Variants in ANKS6 observed in about 807,000 individuals in gnomAD.
ANKS6 encodes ankyrin repeat and sterile alpha motif domain containing 6, also known as ankyrin repeat and SAM domain-containing protein 6.
In ANKS6, 47 loss-of-function variants were observed where a neutral mutation model predicts 77.9. That is an observed-to-expected ratio of 0.60 (90% CI 0.48 to 0.77). The LOEUF is 0.77. Ranked by LOEUF, ANKS6 falls within the 30% of genes least tolerant of loss-of-function variation. The pLI, the probability that ANKS6 is intolerant of heterozygous loss-of-function variation, is 0.00. For synonymous variants in ANKS6, 488 were observed against 501.7 expected, an observed-to-expected ratio of 0.97 and a Z score of 0.37; for missense variants, 1,150 against 1,159.1, an observed-to-expected ratio of 0.99 and a Z score of 0.11.
At chr9:98,757,530 T>C (rs953288042) in intron 11 of ANKS6, among the ~76,000 whole-genome samples, 10 of 152,254 alleles carry the variant, frequency 6.6e-5, no homozygotes, top group African/African-American at 2.2e-4. Flanking sequence ...TGCATCGTTA[T>C]GCAGAGAGGA....
chr9:98,759,181 G>A (rs971640346), intron 11 of ANKS6, among the ~76,000 whole-genome samples: 3 of 151,900 alleles, frequency 2.0e-5, no homozygotes, highest in African/African-American at 7.3e-5. Context: ...TCCTCTGAAT[G>A]TCCTTAAGTG....
chr9:98,751,956 T>C (rs1409398729), intron 12 of ANKS6, among the ~76,000 whole-genome samples: 1 of 152,146 alleles, frequency 6.6e-6, no homozygotes, highest in East Asian at 1.9e-4. Context: ...GTGTGATGTG[T>C]GTGCCTGTAG....
At chr9:98,779,892 G>A (rs940893945) in intron 6 of ANKS6, among the ~76,000 whole-genome samples, 1 of 152,060 alleles carries the variant, frequency 6.6e-6, no homozygotes, top group African/African-American at 2.4e-5. Flanking sequence ...TCAATCTCCT[G>A]ACCTCGTGAT....
chr9:98,794,143 C>T (rs1281038693), intron 1 of ANKS6, among the ~76,000 whole-genome samples: 3 of 76,788 alleles, frequency 3.9e-5, no homozygotes, highest in East Asian at 2.9e-4. Context: ...AGCGAGACTC[C>T]GTCTCAAAAA....
In ANKS6 at chr9:98,768,136, G is replaced by A. The variant is rs1833405528; in HGVS notation, c.2087C>T (p.Ser696Phe). The A allele has an allele frequency of 6.2e-7, 1 of 1,613,510 alleles. No homozygotes were observed. The highest frequency in any genetic ancestry group is 1.1e-5 in the South Asian group (1 of 90,988). The part of the protein sequence containing the change: ...RSSPVGPAPG[S>F]SPSELPASPA... Reference sequence around the variant, plus strand: ...GGAGGCTGGAAGCTCAGACGGGCTGGACCCCGGTGCTGGCCCCACAGGGCT... The same window carrying A: ...GGAGGCTGGAAGCTCAGACGGGCTGAACCCCGGTGCTGGCCCCACAGGGCT... The change falls in exon 11 of 15, where the codon TCC becomes TTC. Residue 696 changes from serine to phenylalanine, a missense_variant. Ser to Phe is a radical substitution (Grantham distance 155). Transcript: ENST00000353234.
At position 98,791,995 on chromosome 9, in the gene ANKS6, C is replaced by G. The variant is rs1834927407; in HGVS notation, c.360-1389G>C. Among the ~76,000 whole-genome samples the G allele has an allele frequency of 6.6e-6, 1 of 152,178 alleles. No homozygotes were observed. Among genetic ancestry groups the G allele is most frequent in the Non-Finnish European group, 1.5e-5 (1 of 68,026 alleles). On this transcript the variant is annotated intron_variant, in intron 1 of 14. Transcript: ENST00000353234. This position sits in a 1 kb window ranked among gnomAD's most constrained non-coding sequence, Gnocchi z 4.3. ...TGCAGAAAGCTGCACCCCAATGTCT[C>G]CCCGCCTCCAGTCTCGTTCCCTCCT...
chr9:98,745,529 C>CA (rs772705623), intron 14 of ANKS6, 30 bp downstream of exon 14: 140 of 1,586,874 alleles, frequency 8.8e-5, no homozygotes, highest in Non-Finnish European at 1.2e-4. Flanking sequence ...ATGTCTGAAA[C>CA]ACGGAAATAC....
At chr9:98,764,723 TTA>T (rs1203576800) in intron 11 of ANKS6, among the ~76,000 whole-genome samples, 2 of 152,224 alleles carry the variant, frequency 1.3e-5, no homozygotes, top group Non-Finnish European at 2.9e-5. Flanking sequence ...GGGTTCTTTC[TTA>T]TAGTTTCCAT....
At position 98,791,704 on chromosome 9, in the gene ANKS6, T is replaced by C. The variant is rs777779062; in HGVS notation, c.360-1098A>G. Among the ~76,000 whole-genome samples the C allele has an allele frequency of 5.9e-5, 9 of 152,200 alleles. No homozygotes were observed. Among genetic ancestry groups the C allele is most frequent in the Non-Finnish European group, 8.8e-5 (6 of 68,030 alleles). Reference sequence around the variant, plus strand: ...TGAGGCAGCTTTCTGGGTTTCTCGATGCTCAGCCCTCCTTCCCGGGAGCCA... The same window carrying C: ...TGAGGCAGCTTTCTGGGTTTCTCGACGCTCAGCCCTCCTTCCCGGGAGCCA... On this transcript the variant is annotated intron_variant, in intron 1 of 14. Transcript: ENST00000353234. The surrounding 1 kb of genome is among the most constrained non-coding windows in gnomAD (Gnocchi z 4.3).
chr9:98,781,984 C>T (rs950695530), intron 5 of ANKS6, among the ~76,000 whole-genome samples: 4 of 152,118 alleles, frequency 2.6e-5, no homozygotes, highest in African/African-American at 9.7e-5. Flanking sequence ...CAGGTACCAG[C>T]CGAGGCCAAA....
intron 1 of ANKS6, among the ~76,000 whole-genome samples, chr9:98,795,799 G>C (rs954387568): frequency 6.6e-6 from 1 of 152,100 alleles, no homozygotes; most frequent in Non-Finnish European, 1.5e-5. Context: ...CACCCTCAAC[G>C]CCAAGCCAGG....
Position 98,751,040 on chromosome 9 carries a change from C to G in ANKS6, c.2383G>C (p.Glu795Gln), listed in dbSNP as rs771740579. The change falls in exon 13 of 15, where the codon GAG becomes CAG. Residue 795 changes from glutamate (E) to glutamine (Q), a missense_variant. Glu to Gln is a conservative substitution (Grantham distance 29). Coordinates refer to ENST00000353234, the MANE Select transcript of ANKS6 (RefSeq NM_173551.5). ...AAGAGCATTCTTACCTCTTGTTCCTCAAAAATGGGCTGATATTTCTCAAGT... is the reference window on the plus strand; with the variant it reads ...AAGAGCATTCTTACCTCTTGTTCCTGAAAAATGGGCTGATATTTCTCAAGT... ...LSLEKYQPIF[E>Q]EQEVDMEAFL... The G allele has an allele frequency of 1.2e-6, 2 of 1,609,060 alleles. No individual in the cohort carries two copies. The highest frequency in any genetic ancestry group is 2.2e-5 in the South Asian group (2 of 89,584).
At position 98,735,722 on chromosome 9, in the gene ANKS6, A is replaced by C; in HGVS notation, c.*797T>G. The stretch of plus-strand genomic sequence containing the variant: ...ATAAGGAAACTGAAAGCTAGGAAGA[A>C]GAAGGGATCCACACAGCAGGCCTCC... On this transcript the variant is annotated 3_prime_UTR_variant, in exon 15 of 15. Transcript: ENST00000353234. The C allele has an allele frequency of 8.1e-6, 10 of 1,231,664 alleles. No individual in the cohort carries two copies. The highest frequency in any genetic ancestry group is 8.1e-6 in the Non-Finnish European group (8 of 987,966). The allele number at this position is 1,231,664 out of a possible 1,614,324, so 76.3% of individuals were successfully genotyped here.
chr9:98,780,343 G>T lies in ANKS6; in HGVS notation c.1220-6C>A, dbSNP rs1371737147. The T allele has an allele frequency of 2.5e-6, 4 of 1,579,206 alleles. No homozygotes were observed. Among genetic ancestry groups the T allele is most frequent in the Admixed American group, 3.7e-5 (2 of 54,542 alleles). On this transcript the variant is annotated splice_polypyrimidine_tract_variant and splice_region_variant and intron_variant, in intron 5 of 14. Coordinates refer to ENST00000353234, the MANE Select transcript of ANKS6 (RefSeq NM_173551.5). ...CAGTCGAACAAGTTCCGTGTCTATG[G>T]ACACAAAAGGCATCATTTTACCTGC...
chr9:98,782,993 T>TG (rs931863283), intron 4 of ANKS6, among the ~76,000 whole-genome samples: 3 of 151,972 alleles, frequency 2.0e-5, no homozygotes, highest in African/African-American at 7.2e-5. Flanking sequence ...AGACTGAGGT[T>TG]GGAGGATGCT....
chr9:98,774,037 A>T lies in ANKS6; in HGVS notation c.1661T>A (p.Leu554Gln). ...APLTRLPSDKLKAVIPPFLPP... is the reference protein window; with the variant it reads ...APLTRLPSDKQKAVIPPFLPP... ...TAGGAATGGGGGGATGACTGCTTTCAGCTTGTCACTCGGGAGTCTGGTGAG... is the reference window on the plus strand; with the variant it reads ...TAGGAATGGGGGGATGACTGCTTTCTGCTTGTCACTCGGGAGTCTGGTGAG... Residue 554 changes from leucine (L) to glutamine (Q), a missense_variant, in exon 9 of 15, where the codon CTG becomes CAG. By Grantham distance (113) the Leu-to-Gln change is moderately radical (BLOSUM62 -2). Coordinates refer to ENST00000353234, the MANE Select transcript of ANKS6 (RefSeq NM_173551.5). The T allele has an allele frequency of 1.9e-6, 3 of 1,560,636 alleles. No homozygotes were observed. The highest frequency in any genetic ancestry group is 2.6e-6 in the Non-Finnish European group (3 of 1,152,556).
Position 98,771,050 on chromosome 9 carries a change from C to T in ANKS6, c.1822-4G>A, listed in dbSNP as rs1334808646. The T allele has an allele frequency of 1.3e-6, 2 of 1,555,044 alleles. No homozygotes were observed. Among genetic ancestry groups the T allele is most frequent in the Non-Finnish European group, 8.7e-7 (1 of 1,149,970 alleles). On this transcript the variant is annotated splice_region_variant and splice_polypyrimidine_tract_variant and intron_variant, in intron 9 of 14. Transcript: ENST00000353234. ...ATTTAACAGGCCTGACGGGTGTCTA[C>T]AAGAATAAGGCAGGTGCAGCACTTA... is the stretch of plus-strand genomic sequence containing the variant.
chr9:98,737,367 A>T (rs1291389767), intron 14 of ANKS6, among the ~76,000 whole-genome samples: 2 of 152,222 alleles, frequency 1.3e-5, no homozygotes, highest in African/African-American at 4.8e-5. Flanking sequence ...TGATAAAAGA[A>T]TTCAGCAAAG....
At position 98,782,478 on chromosome 9, in the gene ANKS6, A is replaced by C. The variant is rs1303914836; in HGVS notation, c.1208T>G (p.Leu403Arg). The C allele has an allele frequency of 6.2e-7, 1 of 1,613,906 alleles. No homozygotes were observed. The highest frequency in any genetic ancestry group is 1.7e-5 in the Admixed American group (1 of 60,004). The change falls in exon 5 of 15, where the codon CTG becomes CGG. Residue 403 changes from leucine (L) to arginine (R), a missense_variant. Transcript: ENST00000353234. ...TTGAAATTACCTACCGGGATCATTC[A>C]GCAGCATCACCAGGTCAAAGGCCGT... ...GYTAFDLVML[L>R]NDPDTELVRL...
Sources: gnomAD v4.1 joint callset for allele counts (sites outside exome capture counted in the v4.1 genomes callset) on GRCh38, gnomAD v4.1.1 for gene constraint, Gnocchi (gnomAD v3.1) non-coding constraint, MANE v1.5 for transcripts, NCBI Gene and HGNC (gene_info 2026-07-23, HGNC 2026-07-21) for gene names.